The following TLE4 variants were observed in gnomAD, a reference collection of about 807,000 sequenced individuals.
TLE4 encodes TLE family member 4, transcriptional corepressor, also known as transducin-like enhancer protein 4.
In TLE4, 8 loss-of-function variants were observed where a neutral mutation model predicts 92.8. The observed-to-expected ratio is 0.09, with a 90% CI of 0.05 to 0.16. The LOEUF (loss-of-function observed/expected upper bound fraction) is 0.16, where lower values mean the gene tolerates loss of function less well. Ranked by LOEUF, TLE4 falls within the 10% of genes least tolerant of loss-of-function variation. The probability of loss-of-function intolerance (pLI) is 1.00; values close to 1 mark genes in which losing one functional copy is unlikely to be tolerated. For synonymous variants in TLE4, 371 were observed against 374.1 expected, an observed-to-expected ratio of 0.99 and a Z score of 0.10; for missense variants, 675 against 997.6, an observed-to-expected ratio of 0.68 and a Z score of 4.36.
At chr9:79,695,349 TCTCACACA>T (rs1194909195) in intron 8 of TLE4, among the ~76,000 whole-genome samples, 2 of 41,084 alleles carry the variant, frequency 4.9e-5, no homozygotes, top group Non-Finnish European at 6.4e-5. Context: ...CAAATGCATA[TCTCACACA>T]CACACACACA....
intron 14 of TLE4, among the ~76,000 whole-genome samples, chr9:79,715,062 CT>C (rs1358509544): frequency 1.1e-4 from 16 of 152,288 alleles, no homozygotes; most frequent in African/African-American, 3.6e-4. Flanking sequence ...CATTTGGACT[CT>C]TTGAAAGGAC....
chr9:79,649,728 T>C (rs2058642071), intron 6 of TLE4: 1 of 1,102,948 alleles, frequency 9.1e-7, no homozygotes, highest in Non-Finnish European at 1.2e-6. Flanking sequence ...CAGGAAGCCT[T>C]ACTGTGAATG....
At chr9:79,654,233 T>G (rs988925409) in intron 8 of TLE4, among the ~76,000 whole-genome samples, 158 bp downstream of exon 8, 6 of 150,322 alleles carry the variant, frequency 4.0e-5, no homozygotes, top group African/African-American at 1.5e-4. Flanking sequence ...GTGGTTGATT[T>G]TTTTTTTTTT....
chr9:79,677,891 T>C (rs1051422524), intron 8 of TLE4, among the ~76,000 whole-genome samples: 1 of 152,116 alleles, frequency 6.6e-6, no homozygotes, highest in Non-Finnish European at 1.5e-5. Context: ...TATGGAACTT[T>C]AGAAGGAAGA....
intron 8 of TLE4, among the ~76,000 whole-genome samples, chr9:79,692,269 C>T (rs896897492): frequency 2.0e-5 from 3 of 151,546 alleles, no homozygotes; most frequent in Non-Finnish European, 4.4e-5. Context: ...AACACCAATC[C>T]AGGAGGGCAG....
intron 6 of TLE4, among the ~76,000 whole-genome samples, chr9:79,636,246 G>A (rs746066878): frequency 1.3e-5 from 2 of 152,048 alleles, no homozygotes; most frequent in African/African-American, 4.8e-5. Flanking sequence ...TCACTTGAGC[G>A]CAAGAGTTCA....
intron 14 of TLE4, among the ~76,000 whole-genome samples, chr9:79,710,743 C>T (rs2073063766): frequency 6.6e-6 from 1 of 152,174 alleles, no homozygotes; most frequent in African/African-American, 2.4e-5. Context: ...TCTTTCCCTT[C>T]CTCCCTATTC....
chr9:79,640,975 A>G (rs1419648065), intron 6 of TLE4, among the ~76,000 whole-genome samples: 1 of 152,048 alleles, frequency 6.6e-6, no homozygotes, highest in African/African-American at 2.4e-5. Flanking sequence ...GTCAGAATGG[A>G]CAAGCAGATC....
intron 8 of TLE4, among the ~76,000 whole-genome samples, chr9:79,656,341 C>T (rs994602826): frequency 6.6e-6 from 1 of 152,128 alleles, no homozygotes; most frequent in Non-Finnish European, 1.5e-5. Flanking sequence ...TGGAGTCGAG[C>T]TTGTATGAAA....
chr9:79,719,197 C>T (rs1016597921), intron 15 of TLE4, among the ~76,000 whole-genome samples: 1 of 152,082 alleles, frequency 6.6e-6, no homozygotes, highest in Non-Finnish European at 1.5e-5. Flanking sequence ...TTCATTAACT[C>T]TGCCTCCCAT....
At chr9:79,694,360 C>G (rs2067740038) in intron 8 of TLE4, among the ~76,000 whole-genome samples, 1 of 152,142 alleles carries the variant, frequency 6.6e-6, no homozygotes, top group Admixed American at 6.5e-5. Flanking sequence ...CATTTTAGCA[C>G]TGGTTAGTGG....
At chr9:79,686,925 A>G (rs2065981655) in intron 8 of TLE4, among the ~76,000 whole-genome samples, 1 of 152,226 alleles carries the variant, frequency 6.6e-6, no homozygotes, top group East Asian at 1.9e-4. Context: ...GTGAGCATCT[A>G]CGTTTAATAA....
At chr9:79,588,110 T>C (rs2041605557) in intron 4 of TLE4, among the ~76,000 whole-genome samples, 1 of 147,344 alleles carries the variant, frequency 6.8e-6, no homozygotes, top group South Asian at 2.1e-4. Context: ...TAAGTGACTA[T>C]GGTAAACTTC....
chr9:79,612,710 T>C lies in TLE4; in HGVS notation c.307T>C (p.Ser103Pro). ...CTGTGCACAAGTCATTCCTTTCCTGTCCCAAGAGGTAAGGTAGTTGATTTT... is the reference window on the plus strand; with the variant it reads ...CTGTGCACAAGTCATTCCTTTCCTGCCCCAAGAGGTAAGGTAGTTGATTTT... ...AICAQVIPFL[S>P]QEHQQQVVQA... is the part of the protein sequence containing the mutation. The change falls in exon 5 of 20, where the codon TCC (serine) becomes CCC (proline). Residue 103 changes from serine to proline, a missense_variant. Transcript: ENST00000376552. 1 of 1,613,088 alleles carries C rather than the reference T, an allele frequency of 6.2e-7. No homozygotes were observed. The highest frequency in any genetic ancestry group is 8.5e-7 in the Non-Finnish European group (1 of 1,179,316).
intron 8 of TLE4, among the ~76,000 whole-genome samples, chr9:79,666,130 G>A (rs962139520): frequency 2.0e-5 from 3 of 150,978 alleles, no homozygotes; most frequent in East Asian, 3.9e-4. Flanking sequence ...GGAATGAGGT[G>A]GAATGAGTAT....
intron 8 of TLE4, among the ~76,000 whole-genome samples, chr9:79,669,210 G>A (rs2061872606): frequency 1.3e-5 from 2 of 152,128 alleles, no homozygotes; most frequent in African/African-American, 2.4e-5. Flanking sequence ...CATGGTCAGT[G>A]GAGGTGGTTA....
At chr9:79,719,343 GA>G (rs1191171924) in intron 15 of TLE4, among the ~76,000 whole-genome samples, 1 of 151,756 alleles carries the variant, frequency 6.6e-6, no homozygotes, top group Admixed American at 6.6e-5. Flanking sequence ...GCAAATACTA[GA>G]TAGCCCCTCA....
chr9:79,586,341 G>A (rs932638971), intron 4 of TLE4, among the ~76,000 whole-genome samples: 4 of 151,002 alleles, frequency 2.6e-5, no homozygotes, highest in Non-Finnish European at 4.4e-5. Flanking sequence ...CCAGCCTGAC[G>A]TCAGAGCAAG....
At chr9:79,721,960 A>G (rs2075715596) in intron 17 of TLE4, 72 bp downstream of exon 17, 1 of 1,548,778 alleles carries the variant, frequency 6.5e-7, no homozygotes, top group Non-Finnish European at 8.7e-7. Flanking sequence ...AGGTCAGGGA[A>G]TCGAGACCAT....
Sources: gnomAD v4.1 joint callset for allele counts (sites outside exome capture counted in the v4.1 genomes callset) on GRCh38, gnomAD v4.1.1 for gene constraint, MANE v1.5 for transcripts, NCBI Gene and HGNC (gene_info 2026-07-23, HGNC 2026-07-21) for gene names.